OSBPL6: variants seen among roughly 807,000 people sequenced by gnomAD.
OSBPL6 encodes the protein oxysterol binding protein like 6.
Under a neutral mutation model 125.8 loss-of-function variants are expected in OSBPL6, and 49 were observed. The observed-to-expected ratio is 0.39, with a 90% CI of 0.31 to 0.49. The LOEUF is 0.49. Ranked by LOEUF, OSBPL6 falls within the 20% of genes least tolerant of loss-of-function variation. OSBPL6 has a pLI of 0.88. For missense variants in OSBPL6, 986 were observed against 1,135.4 expected (o/e 0.87, Z 1.89); for synonymous variants, 394 against 391.8 (o/e 1.01, Z -0.07).
At chr2:178,324,789 T>G (rs1164763984) in intron 4 of OSBPL6, among the ~76,000 whole-genome samples, 1 of 152,120 alleles carries the variant, frequency 6.6e-6, no homozygotes, top group East Asian at 1.9e-4. Flanking sequence ...AGTAAAAACA[T>G]AAATAAATAA....
intron 11 of OSBPL6, among the ~76,000 whole-genome samples, chr2:178,342,893 C>A (rs718650): frequency 0.026 from 3,895 of 152,222 alleles, 237 homozygotes; most frequent in East Asian, 0.22. Context: ...TCCTGCATCT[C>A]ATAGATGCTC....
At chr2:178,382,354 T>G in intron 15 of OSBPL6, 66 bp from the exon 16 acceptor site, 1 of 1,516,152 alleles carries the variant, frequency 6.6e-7, no homozygotes, top group Non-Finnish European at 8.8e-7. Flanking sequence ...TTTTTAATCA[T>G]TTGATTATCT....
At chr2:178,394,182 A>G in intron 23 of OSBPL6, 131 bp from the exon 24 acceptor site, 2 of 1,185,358 alleles carry the variant, frequency 1.7e-6, no homozygotes, top group Non-Finnish European at 2.4e-6. Flanking sequence ...CTGGCGACAG[A>G]GCAAGACTCC....
At position 178,291,710 on chromosome 2, in the gene OSBPL6, C is replaced by CT. The variant is rs1209266128; in HGVS notation, c.-156+6590dup. Among the ~76,000 whole-genome samples, 150 of 126,934 alleles carry CT rather than the reference C, an allele frequency of 1.2e-3. 4 individuals carry two copies. The highest frequency in any genetic ancestry group is 3.8e-3 in the East Asian group (14 of 3,662). 83.3% of individuals were successfully genotyped at this position (126,934 alleles called of 152,430 possible). A position where few individuals can be genotyped will look rare whatever the true frequency, so the allele number is the denominator to read the frequency against. ...CCTTCCTTCCTTCCTTCCTTCTTTC[C>CT]TCCCTCCCTCCCTCCCTCCTTCCTT... On this transcript the variant is annotated intron_variant, in intron 2 of 24. Transcript: ENST00000190611.
intron 3 of OSBPL6, among the ~76,000 whole-genome samples, chr2:178,306,781 G>A (rs1686803351): frequency 6.6e-6 from 1 of 152,178 alleles, no homozygotes; most frequent in Admixed American, 6.5e-5. Flanking sequence ...CCCAAACAAT[G>A]TTTACAGGCA....
intron 3 of OSBPL6, among the ~76,000 whole-genome samples, chr2:178,319,230 GAAAAT>G (rs1559239655): frequency 6.6e-6 from 1 of 152,118 alleles, no homozygotes; most frequent in Non-Finnish European, 1.5e-5. Context: ...GTGTGTTTTT[GAAAAT>G]AAAATAAAAT....
At chr2:178,239,230 T>C (rs991796957) in intron 1 of OSBPL6, among the ~76,000 whole-genome samples, 6 of 152,226 alleles carry the variant, frequency 3.9e-5, no homozygotes, top group African/African-American at 1.2e-4. Context: ...AATAGAATTA[T>C]GTTATATGAA....
chr2:178,339,135 T>G (rs1464356429), intron 10 of OSBPL6, 41 bp downstream of exon 10: 1 of 1,260,954 alleles, frequency 7.9e-7, no homozygotes, highest in South Asian at 1.3e-5. Context: ...CTTAGGGTAT[T>G]AATTAATACT....
rs931296176 is a variant in OSBPL6, at chr2:178,372,198, G to T, written c.1360G>T (p.Val454Phe). 1.2e-6 allele frequency: 2 copies of T among 1,612,916 alleles called. No individual in the cohort carries two copies. The highest frequency in any genetic ancestry group is 8.5e-7 in the Non-Finnish European group (1 of 1,179,336). ...TTCAGAGTCTATTATTTGTGATCAG[G>T]TTGTCAGTGTAAATATTATTCCTAG... ...IHSESIICDQ[V>F]VSVNIIPSPD... The change falls in exon 14 of 25, where the codon GTT (valine) becomes TTT (phenylalanine). Residue 454 changes from valine (V) to phenylalanine (F), a missense_variant. Val to Phe is a conservative substitution (Grantham distance 50, BLOSUM62 -1). Transcript: ENST00000190611.
chr2:178,324,072 A>T, intron 3 of OSBPL6, 105 bp from the exon 4 acceptor site: 1 of 667,626 alleles, frequency 1.5e-6, no homozygotes, highest in Non-Finnish European at 2.3e-6. Context: ...GCCATTTTTA[A>T]CATAGCTCAC....
chr2:178,332,042 T>G (rs1413716251), intron 6 of OSBPL6, among the ~76,000 whole-genome samples: 1 of 152,260 alleles, frequency 6.6e-6, no homozygotes, highest in Non-Finnish European at 1.5e-5. Flanking sequence ...TCAAATTGTT[T>G]TTGTTTAGTA....
chr2:178,395,359 T>A, intron 24 of OSBPL6, 92 bp from the exon 25 acceptor site: 1 of 833,496 alleles, frequency 1.2e-6, no homozygotes, highest in Non-Finnish European at 1.9e-6. Flanking sequence ...CAAACACTGC[T>A]TATATGTCCA....
intron 13 of OSBPL6, among the ~76,000 whole-genome samples, chr2:178,368,653 A>T (rs2154103116): frequency 6.6e-6 from 1 of 152,280 alleles, no homozygotes; most frequent in East Asian, 1.9e-4. Context: ...CAGTAGTGGT[A>T]AACTACAGGA....
At chr2:178,334,035 C>A (rs965187322) in intron 8 of OSBPL6, among the ~76,000 whole-genome samples, 1 of 152,090 alleles carries the variant, frequency 6.6e-6, no homozygotes, top group Non-Finnish European at 1.5e-5. Flanking sequence ...GGGAGGCTGA[C>A]CTTGTTCTCT....
At chr2:178,310,768 A>G (rs1030171063) in intron 3 of OSBPL6, among the ~76,000 whole-genome samples, 4 of 152,120 alleles carry the variant, frequency 2.6e-5, no homozygotes, top group Non-Finnish European at 5.9e-5. Flanking sequence ...CCCAGCTTAC[A>G]CTGCCTCCAT....
At chr2:178,330,526 G>C (rs1272278476) in intron 5 of OSBPL6, among the ~76,000 whole-genome samples, 1 of 152,146 alleles carries the variant, frequency 6.6e-6, no homozygotes, top group Non-Finnish European at 1.5e-5. Flanking sequence ...GTGTTTACTT[G>C]TTGTCCCGCA....
At chr2:178,315,947 A>T (rs1409100069) in intron 3 of OSBPL6, among the ~76,000 whole-genome samples, 2 of 152,212 alleles carry the variant, frequency 1.3e-5, no homozygotes, top group Non-Finnish European at 2.9e-5. Context: ...TAGGTCTACA[A>T]AACTGCTTTA....
At chr2:178,240,597 T>G (rs1418758021) in intron 1 of OSBPL6, among the ~76,000 whole-genome samples, 12 of 151,540 alleles carry the variant, frequency 7.9e-5, no homozygotes, top group Non-Finnish European at 1.6e-4. Context: ...AATAGAAGTG[T>G]TTAGAATTAG....
chr2:178,242,248 T>C (rs138175474), intron 1 of OSBPL6, among the ~76,000 whole-genome samples: 2 of 152,176 alleles, frequency 1.3e-5, no homozygotes, highest in Admixed American at 6.5e-5. Context: ...CTTTTATTTT[T>C]CCCCCTTAAC....
Sources: gnomAD v4.1 joint callset for allele counts (sites outside exome capture counted in the v4.1 genomes callset) on GRCh38, gnomAD v4.1.1 for gene constraint, MANE v1.5 for transcripts, NCBI Gene and HGNC (gene_info 2026-07-23, HGNC 2026-07-21) for gene names.